The following UHMK1 variants were observed in gnomAD, a reference collection of about 807,000 sequenced individuals.
UHMK1 encodes serine/threonine-protein kinase Kist.
Under a neutral mutation model 44.0 loss-of-function variants are expected in UHMK1, and 18 were observed. The observed-to-expected ratio is 0.41, with a 90% CI of 0.28 to 0.61. The LOEUF is 0.61. UHMK1 is among the 20% of genes least tolerant of loss of function. The pLI is 0.31. For missense variants in UHMK1, 463 were observed against 522.5 expected, an observed-to-expected ratio of 0.89 and a Z score of 1.11; for synonymous variants, 231 against 198.5, an observed-to-expected ratio of 1.16 and a Z score of -1.38.
chr1:162,518,012 T>G lies in UHMK1; in HGVS notation c.1025-90T>G, dbSNP rs1651899188. ...AATGACCTCATTACTAGTTATGTAT[T>G]CCTGAATTCTTTGATGATTAAAAAA... On this transcript the variant is annotated intron_variant, in intron 6 of 7. Coordinates refer to ENST00000489294, the MANE Select transcript of UHMK1 (RefSeq NM_175866.5). 3.6e-6 allele frequency: 3 copies of G among 824,776 alleles called. No individual in the cohort carries two copies. The Admixed American group carries it at 6.5e-5, about 18-fold the overall frequency. 51.1% of individuals were successfully genotyped at this position (824,776 alleles called of 1,614,324 possible). A position where few individuals can be genotyped will look rare whatever the true frequency, so the allele number is the denominator to read the frequency against.
At chr1:162,521,819 C>T (rs989953453) in intron 7 of UHMK1, among the ~76,000 whole-genome samples, 2 of 152,144 alleles carry the variant, frequency 1.3e-5, no homozygotes, top group African/African-American at 2.4e-5. Context: ...AGTAGAGACA[C>T]GGTTTCACCG....
chr1:162,520,100 C>T (rs568758866), intron 7 of UHMK1, among the ~76,000 whole-genome samples: 3 of 152,224 alleles, frequency 2.0e-5, no homozygotes, highest in African/African-American at 7.2e-5. Flanking sequence ...GCTATGTTGT[C>T]CAGGGCGGTC....
At position 162,508,773 on chromosome 1, in the gene UHMK1, G is replaced by GT. The variant is rs35239541; in HGVS notation, c.849-3717dup. Among the ~76,000 whole-genome samples the GT allele has an allele frequency of 1.0e-3, 149 of 147,214 alleles. No individual in the cohort carries two copies. In the Middle Eastern group the frequency reaches 0.011, roughly 10 times the overall value. ...ATTATCTGAGATTTATCATTTTGCA[G>GT]TTTTTTTTTTGTACAATAGATACTT... On this transcript the variant is annotated intron_variant, in intron 4 of 7. Transcript: ENST00000489294.
rs563708984 is a variant in UHMK1, at chr1:162,529,025, A to T, written c.*6475A>T. The stretch of plus-strand genomic sequence containing the variant: ...ATGTAATTGCTACATTTTTTATAAG[A>T]AGGTATGGTTAGAAAAAAATGTGAA... On this transcript the variant is annotated 3_prime_UTR_variant, in exon 8 of 8. Coordinates refer to ENST00000489294, the MANE Select transcript of UHMK1 (RefSeq NM_175866.5). 3.3e-5 allele frequency: 5 copies of T among 152,108 alleles called. No homozygotes were observed. Among genetic ancestry groups the T allele is most frequent in the Non-Finnish European group, 2.9e-5 (2 of 67,986 alleles). The allele number at this position is 152,108 out of a possible 1,614,324, so 9.4% of individuals were successfully genotyped here. A position where few individuals can be genotyped will look rare whatever the true frequency, so the allele number is the denominator to read the frequency against.
chr1:162,501,857 G>T (rs983442963), intron 3 of UHMK1, among the ~76,000 whole-genome samples: 1 of 148,608 alleles, frequency 6.7e-6, no homozygotes, highest in African/African-American at 2.5e-5. Flanking sequence ...GGAGGCTGAG[G>T]TGGGAGGCTC....
At chr1:162,519,315 T>TAAA (rs11372749) in intron 7 of UHMK1, among the ~76,000 whole-genome samples, 55 of 145,842 alleles carry the variant, frequency 3.8e-4, no homozygotes, top group Non-Finnish European at 6.2e-4. Flanking sequence ...GACTCCATCT[T>TAAA]AAAAAAAAAA....
In UHMK1 at chr1:162,512,830, GT is replaced by G. The variant is rs1187715032; in HGVS notation, c.1024+11del. ...AATGAAGAGGAATATGAAGGTTAGT[GT>G]TTTCTAAATTATATTTTAATGTGTC... On this transcript the variant is annotated splice_region_variant and intron_variant, in intron 6 of 7. Coordinates refer to ENST00000489294, the MANE Select transcript of UHMK1 (RefSeq NM_175866.5). The G allele has an allele frequency of 1.2e-6, 2 of 1,611,506 alleles. No homozygotes were observed. Among genetic ancestry groups the G allele is most frequent in the Non-Finnish European group, 8.5e-7 (1 of 1,178,084 alleles).
At chr1:162,513,533 G>A (rs2101680165) in intron 6 of UHMK1, among the ~76,000 whole-genome samples, 1 of 152,240 alleles carries the variant, frequency 6.6e-6, no homozygotes, top group Admixed American at 6.5e-5. Flanking sequence ...CTGAAGATAG[G>A]GTACTATACA....
chr1:162,501,217 T>G, intron 3 of UHMK1, 113 bp downstream of exon 3: 1 of 1,050,068 alleles, frequency 9.5e-7, no homozygotes, highest in Non-Finnish European at 1.3e-6. Flanking sequence ...TCACCCAGGC[T>G]GGAGTGCAGT....
chr1:162,520,602 G>A (rs1173643332), intron 7 of UHMK1, among the ~76,000 whole-genome samples: 4 of 152,126 alleles, frequency 2.6e-5, no homozygotes, highest in Admixed American at 2.6e-4. Flanking sequence ...TGAGGGAAGC[G>A]AGGAAGAGAA....
At chr1:162,500,676 A>G (rs1440837755) in intron 2 of UHMK1, 1 of 492,214 alleles carries the variant, frequency 2.0e-6, no homozygotes, top group African/African-American at 1.9e-5. Flanking sequence ...AGTGCCTAAT[A>G]GGTAAGAGAC....
intron 7 of UHMK1, among the ~76,000 whole-genome samples, chr1:162,520,219 T>C (rs1652007569): frequency 6.6e-6 from 1 of 152,246 alleles, no homozygotes; most frequent in Non-Finnish European, 1.5e-5. Flanking sequence ...TAGCTTAGTA[T>C]TATGAACATT....
chr1:162,519,240 T>C (rs1651956349), intron 7 of UHMK1, among the ~76,000 whole-genome samples: 1 of 151,550 alleles, frequency 6.6e-6, no homozygotes. Context: ...TTGCTTGAAC[T>C]TGGGAGGCTG....
rs1651903678 is a variant in UHMK1, at chr1:162,518,133, A to G, written c.1056A>G (p.Gln352=). 1 of 1,613,452 alleles carries G rather than the reference A, an allele frequency of 6.2e-7. No homozygotes were observed. Among genetic ancestry groups the G allele is most frequent in the Non-Finnish European group, 8.5e-7 (1 of 1,179,518 alleles). The stretch of plus-strand genomic sequence containing the variant: ...TAGAAGATGTAAAAGAGGAGTGTCA[A>G]AAATATGGACCAGTGGTATCTCTAC... ...DVVEDVKEEC[Q]KYGPVVSLLV... Residue 352 remains glutamine (Q), a synonymous_variant, in exon 7 of 8, where the codon CAA becomes CAG. Transcript: ENST00000489294.
At chr1:162,497,201 C>T, upstream of UHMK1, 2 of 686,298 alleles carry the variant, frequency 2.9e-6, no homozygotes, top group South Asian at 3.1e-5. Context: ...AAAGTTTTGT[C>T]ATGCAGATGA....
rs559821210 is a variant in UHMK1 at position 162,506,630 on chromosome 1, A to G, written c.848+2782A>G. ...GTTTCTGTTGAAAGTTTGATGACTC[A>G]GTAATTGCCTTTTCATTAAAAGTCG... On this transcript the variant is annotated intron_variant, in intron 4 of 7. Coordinates refer to ENST00000489294, the MANE Select transcript of UHMK1 (RefSeq NM_175866.5). Among the ~76,000 whole-genome samples the G allele has an allele frequency of 1.2e-3, 177 of 152,326 alleles. 1 individual carries two copies. Among genetic ancestry groups the G allele is most frequent in the Non-Finnish European group, 2.2e-3 (149 of 68,028 alleles).
intron 4 of UHMK1, among the ~76,000 whole-genome samples, chr1:162,509,198 G>T (rs756169639): frequency 6.6e-6 from 1 of 152,136 alleles, no homozygotes; most frequent in African/African-American, 2.4e-5. Context: ...CTGTTGTTTT[G>T]TATAATATTC....
intron 3 of UHMK1, among the ~76,000 whole-genome samples, 181 bp from the exon 4 acceptor site, chr1:162,503,573 T>G: frequency 7.0e-6 from 1 of 142,160 alleles, no homozygotes; most frequent in Non-Finnish European, 1.5e-5. Flanking sequence ...ATTGCGTCAC[T>G]GCACTACAGC....
At chr1:162,504,180 T>C (rs1473547041) in intron 4 of UHMK1, among the ~76,000 whole-genome samples, 3 of 151,878 alleles carry the variant, frequency 2.0e-5, no homozygotes, top group Admixed American at 2.0e-4. Context: ...ACTACTCCCC[T>C]CCCCCCAAAA....
Sources: allele counts gnomAD v4.1 joint callset (sites outside exome capture counted in the v4.1 genomes callset), GRCh38; gene constraint gnomAD v4.1.1; transcripts MANE v1.5; gene names NCBI Gene and HGNC (gene_info 2026-07-23, HGNC 2026-07-21).